Variants in CDH4 observed in about 807,000 individuals in gnomAD.
CDH4 encodes the protein cadherin-4.
Under a neutral mutation model 86.0 loss-of-function variants are expected in CDH4, and 33 were observed. The ratio of observed to expected loss-of-function variants is 0.38; its 90% CI spans 0.29 to 0.51. The LOEUF (loss-of-function observed/expected upper bound fraction) is 0.51, where lower values mean the gene tolerates loss of function less well. Among genes scored for constraint, CDH4 ranks in the 20% least tolerant of loss-of-function variants. The pLI is 0.86. For synonymous variants in CDH4, 555 were observed against 549.4 expected, an observed-to-expected ratio of 1.01 and a Z score of -0.14; for missense variants, 1,114 against 1,307.4, an observed-to-expected ratio of 0.85 and a Z score of 2.28.
rs2085840889 is a variant in CDH4 at position 61,518,433 on chromosome 20, C to T, written c.170-225130C>T. Among the ~76,000 whole-genome samples the T allele has an allele frequency of 6.6e-6, 1 of 152,138 alleles. No homozygotes were observed. Among genetic ancestry groups the T allele is most frequent in the African/African-American group, 2.4e-5 (1 of 41,428 alleles). On this transcript the variant is annotated intron_variant, in intron 2 of 15. Coordinates refer to ENST00000614565, the MANE Select transcript of CDH4 (RefSeq NM_001794.5). The surrounding 1 kb of genome is among the most constrained non-coding windows in gnomAD (Gnocchi z 6.3). The stretch of plus-strand genomic sequence containing the variant: ...GGCTGTCCATCATCCATCTGTCATC[C>T]ACTCATCATCCATCATCCGTCATCC...
intron 2 of CDH4, among the ~76,000 whole-genome samples, chr20:61,324,933 A>G (rs1417286000): frequency 6.6e-6 from 1 of 152,102 alleles, no homozygotes; most frequent in East Asian, 1.9e-4. Context: ...AATTTCCGAG[A>G]CCACATCGAG....
At chr20:61,542,565 T>G (rs571051477) in intron 2 of CDH4, among the ~76,000 whole-genome samples, 7 of 152,338 alleles carry the variant, frequency 4.6e-5, no homozygotes, top group Admixed American at 6.5e-5. Flanking sequence ...AACAAACTTT[T>G]TAATGAACAA....
intron 2 of CDH4, among the ~76,000 whole-genome samples, chr20:61,542,934 A>G (rs1390729685): frequency 6.6e-6 from 1 of 152,266 alleles, no homozygotes; most frequent in Non-Finnish European, 1.5e-5. Flanking sequence ...TGCAGCCTTC[A>G]GTCTGTGGCC....
chr20:61,683,281 A>T (rs1313904193), intron 2 of CDH4, among the ~76,000 whole-genome samples: 11 of 152,196 alleles, frequency 7.2e-5, no homozygotes, highest in Admixed American at 6.5e-4. Flanking sequence ...CTTTGGAAGG[A>T]TGAGTAATAG....
At position 61,810,337 on chromosome 20, in the gene CDH4, CTG is replaced by C. The variant is rs1380628344; in HGVS notation, c.577-34323_577-34322del. Among the ~76,000 whole-genome samples, 6 of 152,212 alleles carry C rather than the reference CTG, an allele frequency of 3.9e-5. No individual in the cohort carries two copies. The East Asian group carries it at 5.8e-4, about 15-fold the overall frequency. On this transcript the variant is annotated intron_variant, in intron 4 of 15. Coordinates refer to ENST00000614565, the MANE Select transcript of CDH4 (RefSeq NM_001794.5). The surrounding 1 kb of genome is among the most constrained non-coding windows in gnomAD (Gnocchi z 4.3). Reference sequence around the variant, plus strand: ...GGCTGTCGTCCCCCCCATGAGCCTGCTGTGTGTGTCTGTGACAGAGTTCCTTG... The same window carrying C: ...GGCTGTCGTCCCCCCCATGAGCCTGCTGTGTGTCTGTGACAGAGTTCCTTG...
At chr20:61,813,027 C>G (rs995364875) in intron 4 of CDH4, among the ~76,000 whole-genome samples, 10 of 152,266 alleles carry the variant, frequency 6.6e-5, no homozygotes, top group African/African-American at 2.4e-4. Flanking sequence ...TGGGAGTCTC[C>G]ACGCACACAT....
intron 2 of CDH4, among the ~76,000 whole-genome samples, chr20:61,338,135 C>T (rs1359671194): frequency 6.6e-6 from 1 of 152,086 alleles, no homozygotes; most frequent in East Asian, 1.9e-4. Flanking sequence ...TCACGGGGCT[C>T]AGTTTGTCTT....
intron 2 of CDH4, among the ~76,000 whole-genome samples, chr20:61,318,073 C>T (rs1483927322): frequency 1.3e-5 from 2 of 152,186 alleles, no homozygotes; most frequent in Non-Finnish European, 2.9e-5. Flanking sequence ...TCCGTCCCGG[C>T]TGGAGGGACA....
At chr20:61,842,831 G>A (rs1012135203) in intron 4 of CDH4, among the ~76,000 whole-genome samples, 3 of 152,084 alleles carry the variant, frequency 2.0e-5, no homozygotes, top group Non-Finnish European at 4.4e-5. Context: ...TTGGTTTGTT[G>A]GCTGTAATTC....
intron 4 of CDH4, among the ~76,000 whole-genome samples, chr20:61,776,910 A>C (rs4925284): frequency 0.52 from 79,641 of 152,068 alleles, 21,060 homozygotes; most frequent in East Asian, 0.71. Context: ...AGGAGGGGGA[A>C]ATATGGTTGG....
In CDH4 at chr20:61,304,627, A is replaced by G. The variant is rs76076891; in HGVS notation, c.169+49690A>G. 3.3e-3 allele frequency among the ~76,000 whole-genome samples: 503 copies of G among 152,286 alleles called. 1 individual carries two copies. Among genetic ancestry groups the G allele is most frequent in the Non-Finnish European group, 5.6e-3 (378 of 68,028 alleles). ...AATATTAAGAGGCCTAGAGAAAAGG[A>G]CAGCAGAAGGGGTGCTATTGGCAGG... On this transcript the variant is annotated intron_variant, in intron 2 of 15. Coordinates refer to ENST00000614565, the MANE Select transcript of CDH4 (RefSeq NM_001794.5).
chr20:61,590,882 G>GGGC (rs1555811639), intron 2 of CDH4, among the ~76,000 whole-genome samples: 1 of 152,084 alleles, frequency 6.6e-6, no homozygotes, highest in Non-Finnish European at 1.5e-5. Flanking sequence ...TCTATGGGGG[G>GGGC]GGGGGTCCCC....
At chr20:61,720,674 T>C (rs2145912199) in intron 2 of CDH4, among the ~76,000 whole-genome samples, 1 of 152,054 alleles carries the variant, frequency 6.6e-6, no homozygotes, top group South Asian at 2.1e-4. Context: ...TGTATTTGCT[T>C]GCATGCTTTT....
intron 6 of CDH4, among the ~76,000 whole-genome samples, chr20:61,866,845 C>T (rs1269064134): frequency 6.6e-6 from 1 of 152,206 alleles, no homozygotes; most frequent in Non-Finnish European, 1.5e-5. Context: ...AAGAAAAAAG[C>T]GTAGATGCCT....
At chr20:61,685,707 T>C (rs557349967) in intron 2 of CDH4, among the ~76,000 whole-genome samples, 2 of 152,368 alleles carry the variant, frequency 1.3e-5, no homozygotes, top group South Asian at 4.1e-4. Context: ...CCCTTCCCGC[T>C]GTCCGGACTC....
chr20:61,401,681 C>T (rs1417035673), intron 2 of CDH4, among the ~76,000 whole-genome samples: 3 of 152,204 alleles, frequency 2.0e-5, no homozygotes, highest in Admixed American at 6.5e-5. Flanking sequence ...CTTCTCATAA[C>T]TGTGATAGGA....
chr20:61,610,206 T>C (rs1273755693), intron 2 of CDH4, among the ~76,000 whole-genome samples: 2 of 152,182 alleles, frequency 1.3e-5, no homozygotes, highest in Non-Finnish European at 2.9e-5. Flanking sequence ...TCTACCTCCA[T>C]GAGGTCCATC....
intron 2 of CDH4, among the ~76,000 whole-genome samples, chr20:61,442,870 C>A (rs1219383976): frequency 6.6e-6 from 1 of 152,238 alleles, no homozygotes; most frequent in Non-Finnish European, 1.5e-5. Flanking sequence ...GCACTGTTGG[C>A]CTCAGGGGCT....
chr20:61,738,891 A>G (rs1040296375), intron 2 of CDH4: 2 of 152,580 alleles, frequency 1.3e-5, no homozygotes, highest in African/African-American at 4.8e-5. Flanking sequence ...TATCTGCGAG[A>G]TGGGCCAGTT....
Sources: gnomAD v4.1 joint callset for allele counts (sites outside exome capture counted in the v4.1 genomes callset) on GRCh38, gnomAD v4.1.1 for gene constraint, Gnocchi (gnomAD v3.1) non-coding constraint, MANE v1.5 for transcripts, NCBI Gene and HGNC (gene_info 2026-07-23, HGNC 2026-07-21) for gene names.